The following TTC8 variants were observed in gnomAD, a reference collection of about 807,000 sequenced individuals.
The protein encoded by TTC8 is tetratricopeptide repeat domain 8.
Under a neutral mutation model 72.5 loss-of-function variants are expected in TTC8, and 47 were observed. The ratio of observed to expected loss-of-function variants is 0.65; its 90% CI spans 0.51 to 0.83. TTC8 has a LOEUF of 0.83. TTC8 is among the 40% of genes least tolerant of loss of function. The pLI is 0.00. For synonymous variants in TTC8, 199 were observed against 221.4 expected, an observed-to-expected ratio of 0.90 and a Z score of 0.90; for missense variants, 611 against 623.2, an observed-to-expected ratio of 0.98 and a Z score of 0.21.
chr14:88,837,492 A>G (rs1235141032), intron 2 of TTC8, among the ~76,000 whole-genome samples: 2 of 152,170 alleles, frequency 1.3e-5, no homozygotes, highest in Non-Finnish European at 2.9e-5. Flanking sequence ...TTGTATACTC[A>G]GGATGTAGCA....
chr14:88,824,444 C>A, upstream of TTC8: 1 of 489,000 alleles, frequency 2.0e-6, no homozygotes, highest in South Asian at 2.4e-5. Flanking sequence ...TTTTGTTTAG[C>A]CGCGGTGCCT....
chr14:88,842,486 A>G (rs1223486751), intron 6 of TTC8, among the ~76,000 whole-genome samples: 1 of 152,214 alleles, frequency 6.6e-6, no homozygotes. Context: ...TTGTAAAGCT[A>G]TCCTTACTTC....
At chr14:88,838,640 G>T (rs1415082268) in intron 2 of TTC8, among the ~76,000 whole-genome samples, 1 of 152,156 alleles carries the variant, frequency 6.6e-6, no homozygotes, top group Non-Finnish European at 1.5e-5. Flanking sequence ...AGGAAAGGTA[G>T]AAATTTCAAA....
At position 88,854,663 on chromosome 14, in the gene TTC8, A is replaced by T. The variant is rs188579389; in HGVS notation, c.710+1607A>T. 2.1e-3 allele frequency among the ~76,000 whole-genome samples: 326 copies of T among 152,268 alleles called. 1 individual carries two copies. Among genetic ancestry groups the T allele is most frequent in the Non-Finnish European group, 3.3e-3 (223 of 68,020 alleles). ...ATATAAACCTTATACACATAGCCTG[A>T]AGGTAATTTTGTATAATATTTTATT... On this transcript the variant is annotated intron_variant, in intron 8 of 14. Transcript: ENST00000380656.
intron 10 of TTC8, among the ~76,000 whole-genome samples, chr14:88,862,538 C>T (rs1236528943): frequency 1.5e-5 from 1 of 68,852 alleles, no homozygotes; most frequent in African/African-American, 5.5e-5. Context: ...CTCTCTCTCT[C>T]TCCATATATA....
intron 6 of TTC8, among the ~76,000 whole-genome samples, chr14:88,843,540 T>G: frequency 6.6e-6 from 1 of 152,182 alleles, no homozygotes; most frequent in Non-Finnish European, 1.5e-5. Context: ...TTACGACAAT[T>G]CTGAAGTTGG....
rs772682434 is a variant in TTC8 at position 88,841,168 on chromosome 14, C to T, written c.461C>T (p.Ser154Phe). The change falls in exon 5 of 15, where the codon TCC (serine) becomes TTC (phenylalanine). Residue 154 changes from serine (S) to phenylalanine (F), a missense_variant. Coordinates refer to ENST00000380656, the MANE Select transcript of TTC8 (RefSeq NM_144596.4). ...TACACAGCCCGCCCTATCACCAGCT[C>T]CTCCGGAAGATTTGTCAGGCTGGGA... is the stretch of plus-strand genomic sequence containing the variant. ...TAYTARPITSSSGRFVRLGTA... is the reference protein window; with the variant it reads ...TAYTARPITSFSGRFVRLGTA... The T allele has an allele frequency of 6.2e-7, 1 of 1,614,058 alleles. No individual in the cohort carries two copies. The highest frequency in any genetic ancestry group is 8.5e-7 in the Non-Finnish European group (1 of 1,180,014).
In TTC8 at chr14:88,841,442, T is replaced by G; in HGVS notation, c.507T>G (p.Ser169Arg). Residue 169 changes from serine to arginine, a missense_variant, in exon 6 of 15, where the codon AGT becomes AGG. Transcript: ENST00000380656. ...CTCTGTAGGCTTCCATGCTTACAAG[T>G]CCTGATGGACCATTTATAAATTTAT... ...VRLGTASMLT[S>R]PDGPFINLSR... is the part of the protein sequence containing the mutation. The G allele has an allele frequency of 6.2e-7, 1 of 1,613,784 alleles. No individual in the cohort carries two copies. Among genetic ancestry groups the G allele is most frequent in the Non-Finnish European group, 8.5e-7 (1 of 1,179,850 alleles).
intron 1 of TTC8, among the ~76,000 whole-genome samples, chr14:88,829,352 A>G (rs1381470654): frequency 1.3e-5 from 2 of 152,240 alleles, no homozygotes; most frequent in African/African-American, 2.4e-5. Context: ...TCCTCTCCGT[A>G]CAGCACTGTG....
intron 13 of TTC8, 34 bp downstream of exon 13, chr14:88,872,486 T>C (rs751998233): frequency 1.2e-6 from 2 of 1,611,938 alleles, no homozygotes; most frequent in Non-Finnish European, 1.7e-6. Flanking sequence ...CTGGGCAGTC[T>C]GCTTTCTTCA....
chr14:88,843,935 C>A, intron 7 of TTC8, 85 bp downstream of exon 7: 1 of 956,694 alleles, frequency 1.0e-6, no homozygotes, highest in Non-Finnish European at 1.6e-6. Context: ...TATTTCTGAC[C>A]TTATAAACAG....
At chr14:88,873,490 A>G (rs2094943974) in intron 13 of TTC8, among the ~76,000 whole-genome samples, 2 of 152,204 alleles carry the variant, frequency 1.3e-5, no homozygotes, top group Non-Finnish European at 2.9e-5. Flanking sequence ...TGTCAGCTGT[A>G]TGAAAAGAGT....
chr14:88,840,282 T>G (rs2094774048), intron 3 of TTC8: 1 of 157,184 alleles, frequency 6.4e-6, no homozygotes, highest in South Asian at 1.9e-4. Context: ...TGGTATTGAA[T>G]TATAACCAGG....
intron 10 of TTC8, among the ~76,000 whole-genome samples, chr14:88,867,804 G>A (rs907998761): frequency 2.6e-5 from 4 of 152,190 alleles, no homozygotes; most frequent in African/African-American, 9.7e-5. Context: ...GGCTTATTGA[G>A]GCTTGAGCCT....
intron 10 of TTC8, among the ~76,000 whole-genome samples, chr14:88,861,964 T>C (rs530732294): frequency 6.6e-6 from 1 of 152,334 alleles, no homozygotes; most frequent in Non-Finnish European, 1.5e-5. Flanking sequence ...CTCTTTGATA[T>C]ACAGATTTCC....
At chr14:88,848,503 T>G (rs944375085) in intron 7 of TTC8, among the ~76,000 whole-genome samples, 1 of 152,172 alleles carries the variant, frequency 6.6e-6, no homozygotes, top group African/African-American at 2.4e-5. Context: ...AGTGCTGTAT[T>G]TGCAATGGTG....
intron 8 of TTC8, 70 bp downstream of exon 8, chr14:88,853,126 TGA>T: frequency 1.8e-6 from 2 of 1,124,526 alleles, no homozygotes; most frequent in Non-Finnish European, 2.7e-6. Context: ...TGATACTTTT[TGA>T]GGGGGGGGAG....
chr14:88,880,693 C>G (rs1380471109), downstream of TTC8: 1 of 152,070 alleles, frequency 6.6e-6, no homozygotes, highest in African/African-American at 2.4e-5. Flanking sequence ...CCAAACCCCA[C>G]CCCTCTTCTG....
chr14:88,863,192 G>A (rs1169247109), intron 10 of TTC8, among the ~76,000 whole-genome samples: 1 of 152,040 alleles, frequency 6.6e-6, no homozygotes, highest in East Asian at 1.9e-4. Flanking sequence ...CAGAAAGATG[G>A]TGTGTTGAGG....
Sources: gnomAD v4.1 joint callset for allele counts (sites outside exome capture counted in the v4.1 genomes callset) on GRCh38, gnomAD v4.1.1 for gene constraint, MANE v1.5 for transcripts, NCBI Gene and HGNC (gene_info 2026-07-23, HGNC 2026-07-21) for gene names.